The following EXOC3L4 variants were observed in gnomAD, a reference collection of about 807,000 sequenced individuals.
EXOC3L4 encodes the protein exocyst complex component 3 like 4.
EXOC3L4 carries 62 observed loss-of-function variants against 69.7 expected under a neutral mutation model. The observed-to-expected ratio is 0.89, with a 90% CI of 0.72 to 1.10. The LOEUF is 1.10. Ranked by LOEUF, EXOC3L4 falls within the 50% of genes least tolerant of loss-of-function variation. The pLI is 0.00. For missense variants in EXOC3L4, 1,087 were observed against 1,034.8 expected, an observed-to-expected ratio of 1.05 and a Z score of -0.69; for synonymous variants, 502 against 464.2, an observed-to-expected ratio of 1.08 and a Z score of -1.05.
At chr14:103,104,555 G>T in intron 5 of EXOC3L4, 166 bp downstream of exon 5, 1 of 1,301,794 alleles carries the variant, frequency 7.7e-7, no homozygotes, top group Non-Finnish European at 1.0e-6. Context: ...GCGCCGACGG[G>T]CAGGGAGGCT....
intron 11 of EXOC3L4, 72 bp from the exon 12 acceptor site, chr14:103,109,959 G>GT (rs1890829076): frequency 2.1e-6 from 3 of 1,462,592 alleles, no homozygotes; most frequent in Middle Eastern, 1.9e-4. Flanking sequence ...AAGCCCGTGG[G>GT]TTCGCCTCAT....
At chr14:103,101,612 A>T (rs1890188891) in intron 2 of EXOC3L4, among the ~76,000 whole-genome samples, 1 of 151,728 alleles carries the variant, frequency 6.6e-6, no homozygotes, top group South Asian at 2.1e-4. Flanking sequence ...CAGAGGTACC[A>T]GGAGGGGAGG....
intron 7 of EXOC3L4, among the ~76,000 whole-genome samples, chr14:103,105,858 G>A (rs991045461): frequency 6.6e-6 from 1 of 152,182 alleles, no homozygotes; most frequent in African/African-American, 2.4e-5. Context: ...TTAGTGTCCC[G>A]AAGTACTTCT....
chr14:103,102,788 G>A lies in EXOC3L4; in HGVS notation c.1049+16G>A. 7.5e-7 allele frequency: 1 copy of A among 1,326,202 alleles called. No homozygotes were observed. The highest frequency in any genetic ancestry group is 9.6e-7 in the Non-Finnish European group (1 of 1,041,050). The allele number at this position is 1,326,202 out of a possible 1,614,324, so 82.2% of individuals were successfully genotyped here. A position where few individuals can be genotyped will look rare whatever the true frequency, so the allele number is the denominator to read the frequency against. On this transcript the variant is annotated intron_variant, in intron 3 of 11. Transcript: ENST00000688303. ...TCTACGGCAGGTGAGTCTCGGCCAG[G>A]GCGCCCAGTGGCGAGGACAGCTGCC... is the stretch of plus-strand genomic sequence containing the variant.
rs769891288 is a variant in EXOC3L4, at chr14:103,104,060, CGGGCGGGTCAGGCT to C, written c.1161+16_1161+29del. The C allele has an allele frequency of 2.4e-4, 372 of 1,552,584 alleles. 1 individual carries two copies. In the African/African-American group the frequency reaches 4.2e-3, roughly 17 times the overall value. ...TACACCAGCTTCCTGGAGGTCAGGC[CGGGCGGGTCAGGCT>C]GGGCGGGCCAGGCTGGAGGGGGCGG... On this transcript the variant is annotated intron_variant, in intron 4 of 11. Transcript: ENST00000688303.
intron 2 of EXOC3L4, among the ~76,000 whole-genome samples, chr14:103,100,921 G>A (rs1249254515): frequency 1.7e-5 from 1 of 59,052 alleles, no homozygotes; most frequent in South Asian, 5.7e-4. Context: ...TTTTTTTTTT[G>A]ACACTGACTC....
Position 103,106,837 on chromosome 14 carries a change from C to T in EXOC3L4, c.1519C>T (p.Leu507=), listed in dbSNP as rs373667740. The change falls in exon 8 of 12, where the codon CTG becomes TTG. Residue 507 remains leucine (L), a synonymous_variant. Coordinates refer to ENST00000688303, the MANE Select transcript of EXOC3L4 (RefSeq NM_001077594.2). The part of the protein sequence containing the change: ...PGTQEELEKP[L]VTATCSFQKH... ...AACCCAAGAGGAGCTGGAGAAGCCC[C>T]TGGTGACGGCCACCTGCAGCTTCCA... The T allele has an allele frequency of 5.0e-6, 8 of 1,596,330 alleles. No homozygotes were observed. In the African/African-American group the frequency reaches 5.3e-5, roughly 11 times the overall value.
chr14:103,104,475 A>T (rs1178942510), intron 5 of EXOC3L4, 86 bp downstream of exon 5: 1 of 1,412,584 alleles, frequency 7.1e-7, no homozygotes, highest in Non-Finnish European at 9.2e-7. Flanking sequence ...ATTCCTATCC[A>T]GTCCCAACCA....
Position 103,102,703 on chromosome 14 carries a change from T to TCG in EXOC3L4, c.987_988dup (p.Asp330AlafsTer106), listed in dbSNP as rs1245702801. ...GCCGTGGCCCAGCGCCTCCAGGAGCTCGCGCGCGACGCCCGCGGCTGCGAG... is the reference window on the plus strand; with the variant it reads ...GCCGTGGCCCAGCGCCTCCAGGAGCTCGCGCGCGCGACGCCCGCGGCTGCGAG... On this transcript the variant is annotated frameshift_variant, in exon 3 of 12. Coordinates refer to ENST00000688303, the MANE Select transcript of EXOC3L4 (RefSeq NM_001077594.2). LOFTEE classifies it high-confidence loss of function. 1.4e-6 allele frequency: 2 copies of TCG among 1,465,578 alleles called. No homozygotes were observed. The highest frequency in any genetic ancestry group is 5.9e-5 in the East Asian group (2 of 34,160). 90.8% of individuals were successfully genotyped at this position (1,465,578 alleles called of 1,614,324 possible).
At chr14:103,094,960 G>A (rs1013904044) in intron 1 of EXOC3L4, 120 bp downstream of exon 1, 4 of 152,558 alleles carry the variant, frequency 2.6e-5, no homozygotes, top group African/African-American at 9.6e-5. Flanking sequence ...AGGCCGACCA[G>A]GCCAGAGGGC....
At chr14:103,106,029 C>T (rs771280616) in intron 7 of EXOC3L4, among the ~76,000 whole-genome samples, 7 of 152,212 alleles carry the variant, frequency 4.6e-5, no homozygotes, top group Admixed American at 6.5e-5. Context: ...ACTCAGTTCC[C>T]ATTGGCTCTT....
At chr14:103,107,313 C>T in intron 8 of EXOC3L4, 111 bp from the exon 9 acceptor site, 1 of 1,485,938 alleles carries the variant, frequency 6.7e-7, no homozygotes, top group South Asian at 1.3e-5. Flanking sequence ...GAGGGAATGG[C>T]ACCCCAAACC....
chr14:103,101,346 C>A (rs1245164399), intron 2 of EXOC3L4, among the ~76,000 whole-genome samples: 1 of 152,212 alleles, frequency 6.6e-6, no homozygotes, highest in Non-Finnish European at 1.5e-5. Flanking sequence ...AGCCACCATG[C>A]CCAGCTGGAC....
intron 8 of EXOC3L4, among the ~76,000 whole-genome samples, 172 bp from the exon 9 acceptor site, chr14:103,107,252 C>CCTGGGAGAGGCATT (rs1890613018): frequency 6.6e-6 from 1 of 152,160 alleles, no homozygotes. Flanking sequence ...GAGCTTGGGG[C>CCTGGGAGAGGCATT]CTGGGAGAGG....
At chr14:103,100,028 C>A in intron 1 of EXOC3L4, 176 bp from the exon 2 acceptor site, 1 of 648,170 alleles carries the variant, frequency 1.5e-6, no homozygotes, top group Non-Finnish European at 2.5e-6. Context: ...CAGCTGCGGC[C>A]TGGCACACTG....
At chr14:103,104,866 G>A (rs1345671476) in intron 6 of EXOC3L4, 28 bp downstream of exon 6, 1 of 1,519,764 alleles carries the variant, frequency 6.6e-7, no homozygotes, top group South Asian at 1.2e-5. Flanking sequence ...GTAGGGGAGC[G>A]ACCTGGCCGG....
In EXOC3L4 at chr14:103,106,872, G is replaced by T; in HGVS notation, c.1554G>T (p.Leu518Phe). 6.3e-7 allele frequency: 1 copy of T among 1,580,548 alleles called. No homozygotes were observed. Among genetic ancestry groups the T allele is most frequent in the Non-Finnish European group, 8.6e-7 (1 of 1,161,662 alleles). ...CCACCTGCAGCTTCCAGAAGCACTT[G>T]CTTCAGGGCTTGCAGCGTGAGTTGC... ...VTATCSFQKH[L>F]LQGLQRELQP... Residue 518 changes from leucine (L) to phenylalanine (F), a missense_variant, in exon 8 of 12, where the codon TTG (leucine) becomes TTT (phenylalanine). Coordinates refer to ENST00000688303, the MANE Select transcript of EXOC3L4 (RefSeq NM_001077594.2).
intron 10 of EXOC3L4, among the ~76,000 whole-genome samples, 157 bp downstream of exon 10, chr14:103,107,940 G>A (rs1028128763): frequency 2.0e-5 from 3 of 152,158 alleles, no homozygotes; most frequent in Admixed American, 6.5e-5. Flanking sequence ...GCTGGGGGGT[G>A]GAGGGAACCA....
At chr14:103,098,299 C>T (rs73356623) in intron 1 of EXOC3L4, among the ~76,000 whole-genome samples, 25 of 152,192 alleles carry the variant, frequency 1.6e-4, no homozygotes, top group Admixed American at 4.6e-4. Flanking sequence ...GTCTCTCCGC[C>T]GGGAGGGGAG....
Sources: gnomAD v4.1 joint callset for allele counts (sites outside exome capture counted in the v4.1 genomes callset) on GRCh38, gnomAD v4.1.1 for gene constraint, MANE v1.5 for transcripts, NCBI Gene and HGNC (gene_info 2026-07-23, HGNC 2026-07-21) for gene names.